TRAPPC9: variants seen among roughly 807,000 people sequenced by gnomAD.
TRAPPC9 encodes the protein trafficking protein particle complex subunit 9.
Under a neutral mutation model 124.0 loss-of-function variants are expected in TRAPPC9, and 83 were observed. That is an observed-to-expected ratio of 0.67 (90% confidence interval 0.56 to 0.80). The LOEUF (loss-of-function observed/expected upper bound fraction) is 0.80. TRAPPC9 is among the 30% of genes least tolerant of loss of function. The probability of loss-of-function intolerance (pLI) is 0.00; values close to 1 mark genes in which losing one functional copy is unlikely to be tolerated. For missense variants in TRAPPC9, 1,302 were observed against 1,508.3 expected, an observed-to-expected ratio of 0.86 and a Z score of 2.27; for synonymous variants, 638 against 617.5, an observed-to-expected ratio of 1.03 and a Z score of -0.49.
At chr8:140,300,735 G>C (rs889655826) in intron 10 of TRAPPC9, 121 bp from the exon 11 acceptor site, 1 of 1,253,854 alleles carries the variant, frequency 8.0e-7, no homozygotes, top group Non-Finnish European at 1.2e-6. Context: ...GATAAATGGA[G>C]GGAGGAAAAG....
At chr8:140,127,785 A>C (rs1441134310) in intron 17 of TRAPPC9, among the ~76,000 whole-genome samples, 2 of 152,262 alleles carry the variant, frequency 1.3e-5, no homozygotes, top group Admixed American at 1.3e-4. Context: ...AACTAGCATG[A>C]GACTAAAACC....
At chr8:140,320,519 C>T (rs758606676) in intron 9 of TRAPPC9, among the ~76,000 whole-genome samples, 28 of 152,164 alleles carry the variant, frequency 1.8e-4, no homozygotes, top group Non-Finnish European at 2.9e-4. Flanking sequence ...GAGCTGCAGA[C>T]GGGAACTCAG....
rs1389737655 is a variant in TRAPPC9, at chr8:139,857,069, G to GA, written c.3055+28809dup. Among the ~76,000 whole-genome samples the GA allele has an allele frequency of 6.2e-5, 3 of 48,310 alleles. No homozygotes were observed. In the African/African-American group the frequency reaches 9.9e-4, roughly 16 times the overall value. 31.7% of individuals were successfully genotyped at this position (48,310 alleles called of 152,430 possible). Reference sequence around the variant, plus strand: ...TGGGCGGGGGGAGCTGGTTCAGACAGAGGTGAAAGAGCAGAAAGGTGCCCA... The same window carrying GA: ...TGGGCGGGGGGAGCTGGTTCAGACAGAAGGTGAAAGAGCAGAAAGGTGCCCA... On this transcript the variant is annotated intron_variant, in intron 21 of 22. Coordinates refer to ENST00000438773, the MANE Select transcript of TRAPPC9 (RefSeq NM_001160372.4).
intron 19 of TRAPPC9, among the ~76,000 whole-genome samples, chr8:139,951,741 C>T (rs1834658939): frequency 6.6e-6 from 1 of 152,162 alleles, no homozygotes. Context: ...CACCAAAGGG[C>T]ACTGACAGGA....
chr8:140,170,703 C>T (rs1231412145), intron 17 of TRAPPC9, among the ~76,000 whole-genome samples: 19 of 152,304 alleles, frequency 1.2e-4, no homozygotes. Flanking sequence ...TGAAGGAAAG[C>T]AAGGACGACG....
chr8:140,036,247 G>A (rs1232467825), intron 17 of TRAPPC9, among the ~76,000 whole-genome samples: 1 of 152,032 alleles, frequency 6.6e-6, no homozygotes, highest in Non-Finnish European at 1.5e-5. Context: ...AGAACACTCT[G>A]GCTGCAACAT....
At chr8:140,418,039 C>T (rs539990064) in intron 5 of TRAPPC9, among the ~76,000 whole-genome samples, 9 of 152,166 alleles carry the variant, frequency 5.9e-5, no homozygotes, top group Non-Finnish European at 1.2e-4. Flanking sequence ...GGGAGGGGAA[C>T]ATCACACACC....
chr8:140,378,375 C>A (rs771852733), intron 7 of TRAPPC9, among the ~76,000 whole-genome samples: 5 of 152,074 alleles, frequency 3.3e-5, no homozygotes, highest in Non-Finnish European at 5.9e-5. Flanking sequence ...TATAAGCAGG[C>A]AGAAAATATG....
chr8:139,944,944 G>A lies in TRAPPC9; in HGVS notation c.2811-34644C>T, dbSNP rs185252224. Among the ~76,000 whole-genome samples, 342 of 152,210 alleles carry A rather than the reference G, an allele frequency of 2.2e-3. 3 individuals carry two copies. The highest frequency in any genetic ancestry group is 7.6e-3 in the African/African-American group (316 of 41,516). On this transcript the variant is annotated intron_variant, in intron 19 of 22. Transcript: ENST00000438773. ...TTGAGATCAGCGTGGCCAACATGGC[G>A]AAACCCTGTCTCTACTAAAAATACA...
chr8:140,397,812 C>A, intron 6 of TRAPPC9, 67 bp from the exon 7 acceptor site: 2 of 1,599,126 alleles, frequency 1.3e-6, no homozygotes, highest in Non-Finnish European at 1.7e-6. Flanking sequence ...ATTCTAAAGG[C>A]TGTGCTACTG....
chr8:140,383,431 T>C (rs1264776954), intron 7 of TRAPPC9, among the ~76,000 whole-genome samples: 7 of 152,080 alleles, frequency 4.6e-5, no homozygotes, highest in Non-Finnish European at 1.0e-4. Context: ...ATTAGACAAA[T>C]GGCTAACTAG....
chr8:140,334,593 T>C (rs1011637367), intron 9 of TRAPPC9, among the ~76,000 whole-genome samples: 4 of 151,868 alleles, frequency 2.6e-5, no homozygotes, highest in African/African-American at 7.3e-5. Flanking sequence ...GAGGTTGCAG[T>C]GAGCCGAGAT....
intron 21 of TRAPPC9, among the ~76,000 whole-genome samples, chr8:139,838,466 G>A (rs10100605): frequency 3.3e-5 from 5 of 152,144 alleles, no homozygotes; most frequent in African/African-American, 1.2e-4. Context: ...GGTGGCACCA[G>A]GACTGAGCGG....
In TRAPPC9 at chr8:139,732,201, A is replaced by G; in HGVS notation, c.3057T>C (p.Asp1019=). 6.3e-7 allele frequency: 1 copy of G among 1,587,618 alleles called. No individual in the cohort carries two copies. Among genetic ancestry groups the G allele is most frequent in the South Asian group, 1.1e-5 (1 of 88,876 alleles). ...CACATGGCTGTCCGTCCACCAGCACATCTGTAAGGGACACGAGACTGTCGG... is the reference window on the plus strand; with the variant it reads ...CACATGGCTGTCCGTCCACCAGCACGTCTGTAAGGGACACGAGACTGTCGG... ...EHLQLAPLQW[D]VLVDGQPCDR... The change falls in exon 22 of 23, where the codon GAT becomes GAC. Residue 1019 remains aspartate, a splice_region_variant and synonymous_variant. Coordinates refer to ENST00000438773, the MANE Select transcript of TRAPPC9 (RefSeq NM_001160372.4).
Position 139,984,240 on chromosome 8 carries a change from T to C in TRAPPC9, c.2810+4486A>G, listed in dbSNP as rs990185660. 1.3e-5 allele frequency among the ~76,000 whole-genome samples: 2 copies of C among 152,148 alleles called. No homozygotes were observed. The highest frequency in any genetic ancestry group is 1.3e-4 in the Admixed American group (2 of 15,274). The stretch of plus-strand genomic sequence containing the variant: ...AGGAATCTGGCTCTTCCTTTAAGAG[T>C]AGGCTGTGCTATCTGCAGAGAAAAG... On this transcript the variant is annotated intron_variant, in intron 19 of 22. Coordinates refer to ENST00000438773, the MANE Select transcript of TRAPPC9 (RefSeq NM_001160372.4). This position sits in a 1 kb window ranked among gnomAD's most constrained non-coding sequence, Gnocchi z 4.3.
At chr8:140,308,541 C>T (rs1257796095) in intron 10 of TRAPPC9, among the ~76,000 whole-genome samples, 1 of 151,992 alleles carries the variant, frequency 6.6e-6, no homozygotes, top group Non-Finnish European at 1.5e-5. Context: ...AAAATCATCA[C>T]GAATATGTTT....
intron 17 of TRAPPC9, among the ~76,000 whole-genome samples, chr8:140,212,668 G>T (rs2063086579): frequency 6.6e-6 from 1 of 152,170 alleles, no homozygotes; most frequent in Non-Finnish European, 1.5e-5. Flanking sequence ...CCTGAAGGAA[G>T]AGTCTACATA....
At chr8:140,327,253 G>C (rs1394472357) in intron 9 of TRAPPC9, among the ~76,000 whole-genome samples, 1 of 151,872 alleles carries the variant, frequency 6.6e-6, no homozygotes, top group African/African-American at 2.4e-5. Context: ...TAAAAAAAAA[G>C]ACAAGACAAG....
chr8:139,842,920 G>A (rs1421989732), intron 21 of TRAPPC9, among the ~76,000 whole-genome samples: 2 of 152,262 alleles, frequency 1.3e-5, no homozygotes, highest in African/African-American at 4.8e-5. Flanking sequence ...GCACAGATGA[G>A]GAAGCTGAGG....
Sources: allele counts gnomAD v4.1 joint callset (sites outside exome capture counted in the v4.1 genomes callset), GRCh38; gene constraint gnomAD v4.1.1; non-coding constraint Gnocchi (gnomAD v3.1); transcripts MANE v1.5; gene names NCBI Gene and HGNC (gene_info 2026-07-23, HGNC 2026-07-21).